KCND3: variants seen among roughly 807,000 people sequenced by gnomAD.
The protein encoded by KCND3 is A-type voltage-gated potassium channel KCND3.
In KCND3, 9 loss-of-function variants were observed where a neutral mutation model predicts 51.1. The ratio of observed to expected loss-of-function variants is 0.18; its 90% CI spans 0.11 to 0.31. The LOEUF (loss-of-function observed/expected upper bound fraction) is 0.31. Ranked by LOEUF, KCND3 falls within the 10% of genes least tolerant of loss-of-function variation. The pLI is 1.00. For missense variants in KCND3, 526 were observed against 903.8 expected, an observed-to-expected ratio of 0.58 and a Z score of 5.36; for synonymous variants, 349 against 368.0, an observed-to-expected ratio of 0.95 and a Z score of 0.59.
At chr1:111,822,453 T>C (rs768720060) in intron 2 of KCND3, among the ~76,000 whole-genome samples, 2 of 152,198 alleles carry the variant, frequency 1.3e-5, no homozygotes, top group Non-Finnish European at 2.9e-5. Flanking sequence ...ATAAGTAGAC[T>C]CATACAGTAT....
chr1:111,843,581 T>C (rs1357149594), intron 2 of KCND3, among the ~76,000 whole-genome samples: 1 of 152,194 alleles, frequency 6.6e-6, no homozygotes, highest in Non-Finnish European at 1.5e-5. Context: ...TTGCTTTGTT[T>C]TGACTTCAGG....
intron 2 of KCND3, among the ~76,000 whole-genome samples, chr1:111,871,837 A>T (rs761680796): frequency 1.3e-5 from 2 of 152,180 alleles, no homozygotes; most frequent in African/African-American, 4.8e-5. Flanking sequence ...GGAAGACAGC[A>T]GGAGGAGAGA....
chr1:111,910,692 A>G (rs1670899264), intron 2 of KCND3: 1 of 152,168 alleles, frequency 6.6e-6, no homozygotes, highest in Admixed American at 6.5e-5. Context: ...CCCAGGCCAC[A>G]CTGCCTGGGT....
intron 2 of KCND3, among the ~76,000 whole-genome samples, chr1:111,868,424 G>A (rs569720084): frequency 1.3e-5 from 2 of 152,290 alleles, no homozygotes; most frequent in South Asian, 4.2e-4. Flanking sequence ...CAAGAGTACA[G>A]TGCCTAGTTT....
chr1:111,974,816 G>T (rs1288939106), intron 2 of KCND3, among the ~76,000 whole-genome samples: 2 of 152,184 alleles, frequency 1.3e-5, no homozygotes, highest in African/African-American at 4.8e-5. Context: ...AGAGAGATTG[G>T]GATTGATTTT....
intron 2 of KCND3, among the ~76,000 whole-genome samples, chr1:111,973,149 T>C (rs1250343407): frequency 6.6e-6 from 1 of 152,236 alleles, no homozygotes; most frequent in Non-Finnish European, 1.5e-5. Flanking sequence ...GGCTGATCAG[T>C]TAATATTTGC....
At chr1:111,904,063 C>T (rs960351629) in intron 2 of KCND3, among the ~76,000 whole-genome samples, 6 of 151,312 alleles carry the variant, frequency 4.0e-5, no homozygotes, top group Non-Finnish European at 8.8e-5. Flanking sequence ...TGTGCTGAAT[C>T]CCTTTCATGT....
chr1:111,808,242 T>C (rs1665670108), intron 2 of KCND3, among the ~76,000 whole-genome samples: 1 of 152,246 alleles, frequency 6.6e-6, no homozygotes, highest in Non-Finnish European at 1.5e-5. Context: ...AAAAAAACAC[T>C]GCTCTTTCAG....
At chr1:111,914,073 T>C (rs1671081939) in intron 2 of KCND3, among the ~76,000 whole-genome samples, 1 of 151,718 alleles carries the variant, frequency 6.6e-6, no homozygotes, top group Non-Finnish European at 1.5e-5. Flanking sequence ...GCTCATGAAT[T>C]TACAGGAAAA....
At chr1:111,940,707 G>A (rs926367887) in intron 2 of KCND3, among the ~76,000 whole-genome samples, 4 of 152,074 alleles carry the variant, frequency 2.6e-5, no homozygotes, top group Admixed American at 2.0e-4. Context: ...TCATGCAATC[G>A]TTCTCCAACT....
chr1:111,796,846 C>A (rs1013154802), intron 2 of KCND3, among the ~76,000 whole-genome samples: 1 of 152,210 alleles, frequency 6.6e-6, no homozygotes, highest in South Asian at 2.1e-4. Flanking sequence ...GCTCTGCCAG[C>A]AGAGAGTCCT....
At chr1:111,815,447 T>C (rs1666043546) in intron 2 of KCND3, among the ~76,000 whole-genome samples, 1 of 151,448 alleles carries the variant, frequency 6.6e-6, no homozygotes, top group East Asian at 1.9e-4. Flanking sequence ...GATTGCCTTA[T>C]TTTAGTAAGA....
At position 111,772,385 on chromosome 1, in the gene KCND3, G is replaced by C. The variant is rs913673182; in HGVS notation, c.*3692C>G. 6.6e-6 allele frequency: 1 copy of C among 152,156 alleles called. No homozygotes were observed. Among genetic ancestry groups the C allele is most frequent in the Non-Finnish European group, 1.5e-5 (1 of 68,036 alleles). The allele number at this position is 152,156 out of a possible 1,614,324, so 9.4% of individuals were successfully genotyped here. A position where few individuals can be genotyped will look rare whatever the true frequency, so the allele number is the denominator to read the frequency against. ...GGTTTCCAAAGTATGGTTTGTATTG[G>C]TACAGTCAGGTGATTTCCAAGGGCT... On this transcript the variant is annotated 3_prime_UTR_variant, in exon 8 of 8. Coordinates refer to ENST00000302127, the MANE Select transcript of KCND3 (RefSeq NM_001378969.1).
rs978842496 is a variant in KCND3, at chr1:111,937,335, A to G, written c.1106+44286T>C. Among the ~76,000 whole-genome samples the G allele has an allele frequency of 7.9e-5, 12 of 152,140 alleles. 1 individual carries two copies. The highest frequency in any genetic ancestry group is 4.8e-5 in the African/African-American group (2 of 41,426). On this transcript the variant is annotated intron_variant, in intron 2 of 7. Transcript: ENST00000302127. ...TCTGGCCACCCCAGGCAACCCCTCC[A>G]CAGGCAGCATTAGGATTCATGCTGA...
At chr1:111,864,974 G>T (rs1301736280) in intron 2 of KCND3, among the ~76,000 whole-genome samples, 1 of 152,162 alleles carries the variant, frequency 6.6e-6, no homozygotes, top group Admixed American at 6.5e-5. Context: ...CAGGAAACAG[G>T]AAACAGACAC....
intron 2 of KCND3, among the ~76,000 whole-genome samples, chr1:111,945,996 G>T (rs116574340): frequency 2.0e-5 from 3 of 152,304 alleles, no homozygotes; most frequent in African/African-American, 7.2e-5. Flanking sequence ...TGAGAAAAGG[G>T]GAGAACACTA....
At chr1:111,978,023 T>A (rs528158905) in intron 2 of KCND3, among the ~76,000 whole-genome samples, 3 of 152,166 alleles carry the variant, frequency 2.0e-5, no homozygotes, top group Admixed American at 2.0e-4. Flanking sequence ...GCATAAAGGG[T>A]CTTCCCCAGT....
intron 1 of KCND3, among the ~76,000 whole-genome samples, chr1:111,984,429 T>C (rs1371107653): frequency 6.6e-6 from 1 of 152,188 alleles, no homozygotes; most frequent in Non-Finnish European, 1.5e-5. Flanking sequence ...ACCATTTTTC[T>C]CTAAAGAGTT....
intron 2 of KCND3, among the ~76,000 whole-genome samples, chr1:111,904,875 G>A (rs1670570554): frequency 6.6e-6 from 1 of 152,154 alleles, no homozygotes; most frequent in African/African-American, 2.4e-5. Flanking sequence ...GATGCACTTG[G>A]GCCACCACCC....
Sources: allele counts gnomAD v4.1 joint callset (sites outside exome capture counted in the v4.1 genomes callset), GRCh38; gene constraint gnomAD v4.1.1; transcripts MANE v1.5; gene names NCBI Gene and HGNC (gene_info 2026-07-23, HGNC 2026-07-21).